ASRGL1: variants seen among roughly 807,000 people sequenced by gnomAD.
The protein encoded by ASRGL1 is asparaginase and isoaspartyl peptidase 1.
ASRGL1 carries 16 observed loss-of-function variants against 22.4 expected under a neutral mutation model. The observed-to-expected ratio is 0.71, with a 90% CI of 0.48 to 1.08. The LOEUF (loss-of-function observed/expected upper bound fraction) is 1.08, where lower values mean the gene tolerates loss of function less well. ASRGL1 is among the 50% of genes least tolerant of loss of function. The pLI, the probability that ASRGL1 is intolerant of heterozygous loss-of-function variation, is 0.00. For synonymous variants in ASRGL1, 165 were observed against 159.3 expected (o/e 1.04, Z -0.27); for missense variants, 412 against 410.1 (o/e 1.00, Z -0.04).
At chr11:62,388,715 A>G (rs1947270505) in intron 4 of ASRGL1, among the ~76,000 whole-genome samples, 1 of 149,336 alleles carries the variant, frequency 6.7e-6, no homozygotes, top group Admixed American at 6.7e-5. Context: ...CCCAGCCTGT[A>G]TCTACCAAGT....
intron 2 of ASRGL1, among the ~76,000 whole-genome samples, chr11:62,347,920 C>G (rs1312118838): frequency 3.9e-5 from 6 of 152,106 alleles, no homozygotes; most frequent in Non-Finnish European, 8.8e-5. Flanking sequence ...GAATGAGGCT[C>G]CATCTAAAAA....
intron 4 of ASRGL1, among the ~76,000 whole-genome samples, chr11:62,368,249 T>C (rs1946669674): frequency 6.6e-6 from 1 of 152,190 alleles, no homozygotes; most frequent in Non-Finnish European, 1.5e-5. Flanking sequence ...ACATACAGTA[T>C]AGGCGAAAAC....
At chr11:62,381,046 A>T (rs1353811115) in intron 4 of ASRGL1, among the ~76,000 whole-genome samples, 1 of 152,124 alleles carries the variant, frequency 6.6e-6, no homozygotes, top group Non-Finnish European at 1.5e-5. Context: ...CCGATACTGA[A>T]GTTCGGCTGG....
At chr11:62,396,745 G>A (rs1947436873), downstream of ASRGL1, among the ~76,000 whole-genome samples, 4 of 147,320 alleles carry the variant, frequency 2.7e-5, no homozygotes, top group South Asian at 8.9e-4. Context: ...CATGGACTCT[G>A]CTGATAGGGG....
chr11:62,401,171 C>A, the ASRGL1 span, among the ~76,000 whole-genome samples: 13 of 152,372 alleles, frequency 8.5e-5, no homozygotes, highest in South Asian at 2.7e-3. Flanking sequence ...GTCCTGCAAA[C>A]TAGGTGCTGT....
intron 4 of ASRGL1, among the ~76,000 whole-genome samples, chr11:62,362,031 G>A (rs1422431791): frequency 2.0e-5 from 3 of 152,138 alleles, no homozygotes; most frequent in Admixed American, 2.0e-4. Context: ...AGCAAATGTG[G>A]TTGGTAAATG....
chr11:62,339,345 C>A (rs982988492), intron 2 of ASRGL1, among the ~76,000 whole-genome samples: 3 of 152,154 alleles, frequency 2.0e-5, no homozygotes, highest in African/African-American at 4.8e-5. Context: ...TGCTGGTCAG[C>A]TGGGCCTGAA....
chr11:62,354,626 G>A (rs544422592), intron 2 of ASRGL1, among the ~76,000 whole-genome samples: 130 of 152,258 alleles, frequency 8.5e-4, no homozygotes, highest in Non-Finnish European at 1.5e-3. Context: ...GTGACTAACA[G>A]GCAGGTAACC....
At chr11:62,376,611 AT>A (rs1946938355) in intron 4 of ASRGL1, among the ~76,000 whole-genome samples, 1 of 152,164 alleles carries the variant, frequency 6.6e-6, no homozygotes, top group Admixed American at 6.5e-5. Flanking sequence ...AGAGTGCTAG[AT>A]TAAGTTGCAT....
intron 4 of ASRGL1, among the ~76,000 whole-genome samples, chr11:62,379,127 G>A (rs890919744): frequency 6.6e-6 from 1 of 152,092 alleles, no homozygotes; most frequent in African/African-American, 2.4e-5. Flanking sequence ...AGTAATCATT[G>A]GTTGAACAGT....
intron 2 of ASRGL1, chr11:62,338,429 T>G: frequency 2.4e-6 from 1 of 408,970 alleles, no homozygotes; most frequent in Non-Finnish European, 4.3e-6. Flanking sequence ...TGTGTGCTTC[T>G]GGAGAGACAT....
In ASRGL1 at chr11:62,356,338, C is replaced by T. The variant is rs2134605766; in HGVS notation, c.204C>T (p.Val68=). The T allele has an allele frequency of 6.2e-7, 1 of 1,614,102 alleles. No individual in the cohort carries two copies. The highest frequency in any genetic ancestry group is 8.5e-7 in the Non-Finnish European group (1 of 1,179,972). ...DPEFNAGCGS[V]LNTNGEVEMD... is the part of the protein sequence containing the mutation. ...TTTTGGTTTTAGGTTGTGGGTCTGT[C>T]TTGAACACAAATGGTGAGGTTGAAA... The change falls in exon 3 of 7, where the codon GTC becomes GTT. Residue 68 remains valine (V), a synonymous_variant. Transcript: ENST00000415229.
chr11:62,345,162 C>T (rs1175580274), intron 2 of ASRGL1, among the ~76,000 whole-genome samples: 1 of 152,146 alleles, frequency 6.6e-6, no homozygotes, highest in Non-Finnish European at 1.5e-5. Flanking sequence ...GTGAACAATG[C>T]TGCAGCAAGC....
At chr11:62,338,315 C>A in intron 2 of ASRGL1, 148 bp downstream of exon 2, 1 of 951,404 alleles carries the variant, frequency 1.1e-6, no homozygotes, top group Non-Finnish European at 1.5e-6. Flanking sequence ...ATTTTTCTAC[C>A]TGTGCTGAAA....
Position 62,392,565 on chromosome 11 carries a change from T to C in ASRGL1, c.*281T>C. 3.5e-6 allele frequency: 1 copy of C among 286,436 alleles called. No homozygotes were observed. The highest frequency in any genetic ancestry group is 6.2e-6 in the Non-Finnish European group (1 of 160,840). The allele number at this position is 286,436 out of a possible 1,614,324, so 17.7% of individuals were successfully genotyped here. A position where few individuals can be genotyped will look rare whatever the true frequency, so the allele number is the denominator to read the frequency against. The stretch of plus-strand genomic sequence containing the variant: ...GCCTGGGCAACAGAGCCAGGCCCTG[T>C]ATCAAAAAAAAAAAAAAAAAGAAAA... On this transcript the variant is annotated 3_prime_UTR_variant, in exon 7 of 7. Coordinates refer to ENST00000415229, the MANE Select transcript of ASRGL1 (RefSeq NM_001083926.2).
intron 4 of ASRGL1, among the ~76,000 whole-genome samples, chr11:62,357,963 G>A (rs1946342765): frequency 6.6e-6 from 1 of 151,842 alleles, no homozygotes; most frequent in African/African-American, 2.4e-5. Flanking sequence ...AGGCCACCCC[G>A]CCAGAAGAAT....
At position 62,362,521 on chromosome 11, in the gene ASRGL1, T is replaced by TTATATAATATATATTATATAAAATA. The variant is rs1946465574; in HGVS notation, c.491+5382_491+5406dup. 3.7e-4 allele frequency among the ~76,000 whole-genome samples: 12 copies of TTATATAATATATATTATATAAAATA among 32,014 alleles called. 2 individuals carry two copies. Among genetic ancestry groups the TTATATAATATATATTATATAAAATA allele is most frequent in the African/African-American group, 1.4e-3 (9 of 6,494 alleles). 21.0% of individuals were successfully genotyped at this position (32,014 alleles called of 152,430 possible). A position where few individuals can be genotyped will look rare whatever the true frequency, so the allele number is the denominator to read the frequency against. On this transcript the variant is annotated intron_variant, in intron 4 of 6. Transcript: ENST00000415229. The stretch of plus-strand genomic sequence containing the variant: ...ATATAAAATATATAACATATATTAT[T>TTATATAATATATATTATATAAAATA]TATATAATATATATTATATAAAATA...
downstream of ASRGL1, among the ~76,000 whole-genome samples, chr11:62,396,449 C>G (rs1233144107): frequency 6.6e-6 from 1 of 152,162 alleles, no homozygotes; most frequent in Admixed American, 6.5e-5. Context: ...ATTATTCTAC[C>G]CTTTTGGAAG....
intron 4 of ASRGL1, 187 bp downstream of exon 4, chr11:62,357,331 C>G: frequency 1.7e-6 from 1 of 590,866 alleles, no homozygotes; most frequent in Non-Finnish European, 2.7e-6. Context: ...CTCACTGCAG[C>G]CTCCGCCTCC....
Sources: allele counts gnomAD v4.1 joint callset (sites outside exome capture counted in the v4.1 genomes callset), GRCh38; gene constraint gnomAD v4.1.1; transcripts MANE v1.5; gene names NCBI Gene and HGNC (gene_info 2026-07-23, HGNC 2026-07-21).